Variants in MEF2C observed in about 807,000 individuals in gnomAD.
The protein encoded by MEF2C is myocyte-specific enhancer factor 2C.
MEF2C carries 6 observed loss-of-function variants against 50.5 expected under a neutral mutation model. The ratio of observed to expected loss-of-function variants is 0.12; its 90% CI spans 0.07 to 0.23. The LOEUF is 0.23. Among genes scored for constraint, MEF2C ranks in the 10% least tolerant of loss-of-function variants. The pLI, the probability that MEF2C is intolerant of heterozygous loss-of-function variation, is 1.00. For missense variants in MEF2C, 276 were observed against 605.0 expected (o/e 0.46, Z 5.70); for synonymous variants, 183 against 228.0 (o/e 0.80, Z 1.78).
At chr5:88,889,920 A>G (rs932830730) in intron 1 of MEF2C, among the ~76,000 whole-genome samples, 8 of 152,212 alleles carry the variant, frequency 5.3e-5, no homozygotes, top group Admixed American at 4.6e-4. Context: ...AAGCGCTGGC[A>G]CACGGTCCAC....
intron 1 of MEF2C, among the ~76,000 whole-genome samples, chr5:88,892,610 CTT>C (rs1327339610): frequency 2.0e-5 from 3 of 152,168 alleles, no homozygotes; most frequent in Admixed American, 1.3e-4. Context: ...AATACCATGA[CTT>C]AAGTGTACAG....
intron 2 of MEF2C, among the ~76,000 whole-genome samples, chr5:88,811,714 G>A (rs1427071789): frequency 2.0e-5 from 3 of 152,016 alleles, no homozygotes; most frequent in African/African-American, 7.2e-5. Flanking sequence ...TAAAGAATTT[G>A]AGTAGACAAC....
rs570572107 is a variant in MEF2C at position 88,762,747 on chromosome 5, G to A, written c.259-1419C>T. On this transcript the variant is annotated intron_variant, in intron 3 of 10. Transcript: ENST00000504921. ...AATTTTCCTGGTACCACCAAGATCC[G>A]TTATAAAGAGATGCATACCTAAGTG... 2.2e-4 allele frequency among the ~76,000 whole-genome samples: 34 copies of A among 151,988 alleles called. 1 individual carries two copies. The South Asian group carries it at 6.7e-3, about 30-fold the overall frequency.
chr5:88,866,045 G>A (rs1458821605), intron 1 of MEF2C, among the ~76,000 whole-genome samples: 1 of 152,002 alleles, frequency 6.6e-6, no homozygotes, highest in Non-Finnish European at 1.5e-5. Flanking sequence ...ACAGGCGCCC[G>A]CAACCACGCC....
chr5:88,811,207 T>C (rs757831121), intron 2 of MEF2C, among the ~76,000 whole-genome samples: 5 of 152,100 alleles, frequency 3.3e-5, no homozygotes, highest in African/African-American at 4.8e-5. Context: ...TGAGGAACCA[T>C]TGAAAGAATC....
At chr5:88,767,971 T>C (rs981463832) in intron 3 of MEF2C, among the ~76,000 whole-genome samples, 4 of 152,232 alleles carry the variant, frequency 2.6e-5, no homozygotes, top group Non-Finnish European at 5.9e-5. Flanking sequence ...AAACGCTGCA[T>C]GCCTTTCCTT....
chr5:88,873,967 T>C (rs900025439), intron 1 of MEF2C, among the ~76,000 whole-genome samples: 1 of 151,900 alleles, frequency 6.6e-6, no homozygotes, highest in Admixed American at 6.6e-5. Context: ...TTAAAGATAT[T>C]AATGTTAACT....
chr5:88,841,370 G>A (rs1052774510), intron 1 of MEF2C, among the ~76,000 whole-genome samples: 1 of 152,064 alleles, frequency 6.6e-6, no homozygotes, highest in Non-Finnish European at 1.5e-5. Flanking sequence ...AAGTGGGTGT[G>A]GTGGCGCATG....
intron 4 of MEF2C, among the ~76,000 whole-genome samples, chr5:88,759,796 G>A (rs1777055844): frequency 6.6e-6 from 1 of 152,170 alleles, no homozygotes; most frequent in South Asian, 2.1e-4. Context: ...AAGCAGATAG[G>A]TATTTATAAG....
intron 3 of MEF2C, among the ~76,000 whole-genome samples, chr5:88,771,112 A>G (rs1782203817): frequency 6.6e-6 from 1 of 152,188 alleles, no homozygotes; most frequent in South Asian, 2.1e-4. Flanking sequence ...CTTATTCACT[A>G]TCATGAGACC....
At chr5:88,791,684 A>T (rs190723508) in intron 3 of MEF2C, among the ~76,000 whole-genome samples, 1 of 152,254 alleles carries the variant, frequency 6.6e-6, no homozygotes, top group East Asian at 1.9e-4. Flanking sequence ...TATACAAATC[A>T]TTGTGGTATA....
intron 2 of MEF2C, among the ~76,000 whole-genome samples, chr5:88,812,492 T>C (rs1224890003): frequency 6.6e-6 from 1 of 152,118 alleles, no homozygotes; most frequent in African/African-American, 2.4e-5. Flanking sequence ...GTAAAATTAA[T>C]CAGGAGAAAA....
intron 1 of MEF2C, among the ~76,000 whole-genome samples, chr5:88,847,083 A>G (rs774302460): frequency 3.0e-4 from 45 of 152,234 alleles, no homozygotes; most frequent in South Asian, 8.3e-4. Context: ...ATGATTTAGT[A>G]TTCAATAGTT....
intron 10 of MEF2C, among the ~76,000 whole-genome samples, chr5:88,723,270 A>G (rs190752705): frequency 6.6e-6 from 1 of 152,382 alleles, no homozygotes; most frequent in East Asian, 1.9e-4. Flanking sequence ...TCCCTAGACT[A>G]GTTCTAAAAA....
intron 3 of MEF2C, chr5:88,782,254 GC>G: frequency 1.4e-6 from 1 of 723,622 alleles, no homozygotes; most frequent in Non-Finnish European, 1.7e-6. Context: ...GATCACTTGA[GC>G]CCAGGAATTC....
At chr5:88,863,285 G>C (rs1411493910) in intron 1 of MEF2C, among the ~76,000 whole-genome samples, 5 of 152,200 alleles carry the variant, frequency 3.3e-5, no homozygotes, top group Admixed American at 6.5e-5. Flanking sequence ...CAACAACAGA[G>C]TTTCCATCTC....
intron 2 of MEF2C, 108 bp from the exon 3 acceptor site, chr5:88,804,909 G>A: frequency 2.5e-6 from 2 of 795,562 alleles, no homozygotes; most frequent in Middle Eastern, 2.8e-4. Flanking sequence ...GTAGTTGTCA[G>A]AGCCCTGGGC....
At chr5:88,742,637 C>A (rs1767376699) in intron 6 of MEF2C, 1 of 985,206 alleles carries the variant, frequency 1.0e-6, no homozygotes, top group Non-Finnish European at 1.2e-6. Context: ...CTCTGGAAAT[C>A]AAACTCCTTA....
intron 2 of MEF2C, among the ~76,000 whole-genome samples, chr5:88,816,059 A>G (rs190256712): frequency 5.3e-5 from 8 of 152,228 alleles, no homozygotes; most frequent in African/African-American, 1.4e-4. Context: ...AGTTTTAAGT[A>G]GAAATTATAT....
Sources: gnomAD v4.1 joint callset for allele counts (sites outside exome capture counted in the v4.1 genomes callset) on GRCh38, gnomAD v4.1.1 for gene constraint, MANE v1.5 for transcripts, NCBI Gene and HGNC (gene_info 2026-07-23, HGNC 2026-07-21) for gene names.